SHROOM4: variants seen among roughly 807,000 people sequenced by gnomAD.
SHROOM4 encodes protein Shroom4.
SHROOM4 carries 17 observed loss-of-function variants against 80.3 expected under a neutral mutation model. The observed-to-expected ratio is 0.21, with a 90% CI of 0.14 to 0.32. SHROOM4 has a LOEUF of 0.32. Among genes scored for constraint, SHROOM4 ranks in the 10% least tolerant of loss-of-function variants. The probability of loss-of-function intolerance (pLI) is 1.00; values close to 1 mark genes in which losing one functional copy is unlikely to be tolerated. For synonymous variants in SHROOM4, 400 were observed against 437.5 expected, an observed-to-expected ratio of 0.91 and a Z score of 1.07; for missense variants, 993 against 1,140.3, an observed-to-expected ratio of 0.87 and a Z score of 1.86.
chrX:50,656,706 T>C (rs1406871302), intron 2 of SHROOM4, among the ~76,000 whole-genome samples: 6 of 110,675 alleles, frequency 5.4e-5, no homozygotes, highest in South Asian at 3.8e-4. Flanking sequence ...TTTTTTTTTT[T>C]CCTCAATATT....
chrX:50,810,181 T>C (rs1299426193), intron 1 of SHROOM4, among the ~76,000 whole-genome samples: 1 of 110,668 alleles, frequency 9.0e-6, no homozygotes, highest in Non-Finnish European at 1.9e-5. Flanking sequence ...GCCACTTGAC[T>C]GTCGGGGGGT....
chrX:50,685,059 G>T (rs1395412557), intron 2 of SHROOM4, among the ~76,000 whole-genome samples: 1 of 111,905 alleles, frequency 8.9e-6, no homozygotes, highest in Non-Finnish European at 1.9e-5. Context: ...TAAATACAGA[G>T]ATGTACTTTA....
chrX:50,607,698 C>T lies in SHROOM4; in HGVS notation c.3444G>A (p.Glu1148=), dbSNP rs782446924. The change falls in exon 6 of 9, where the codon GAG becomes GAA. Residue 1148 remains glutamate, a synonymous_variant. Coordinates refer to ENST00000376020, the MANE Select transcript of SHROOM4 (RefSeq NM_020717.5). The part of the protein sequence containing the change: ...EEEEEEEEEE[E]EEEAEEEEEE... ...CTTCCTCCTCCTCTGCCTCCTCCTC[C>T]TCCTCTTCCTCTTCCTCTTCTTCTT... 9.6e-5 allele frequency: 114 copies of T among 1,187,033 alleles called. No homozygotes were observed. In the Admixed American group the frequency reaches 2.5e-3, roughly 26 times the overall value.
chrX:50,729,957 C>A (rs1466516982), intron 1 of SHROOM4, among the ~76,000 whole-genome samples: 8 of 111,836 alleles, frequency 7.2e-5, no homozygotes, highest in Non-Finnish European at 1.5e-4. Flanking sequence ...TGAAAGAATT[C>A]ATTGCTAATA....
chrX:50,617,258 T>C (rs189801310), intron 5 of SHROOM4, among the ~76,000 whole-genome samples: 1 of 112,271 alleles, frequency 8.9e-6, no homozygotes, highest in East Asian at 2.8e-4. Context: ...ATGAACTATG[T>C]AAAAAGGACC....
chrX:50,810,184 CG>C (rs1231422695), intron 1 of SHROOM4, among the ~76,000 whole-genome samples: 1 of 110,467 alleles, frequency 9.1e-6, no homozygotes, highest in African/African-American at 3.3e-5. Flanking sequence ...ACTTGACTGT[CG>C]GGGGGTACTA....
At chrX:50,767,127 C>A (rs1935292380) in intron 1 of SHROOM4, among the ~76,000 whole-genome samples, 1 of 112,129 alleles carries the variant, frequency 8.9e-6, no homozygotes, top group Non-Finnish European at 1.9e-5. Context: ...AGCTATAAAA[C>A]AGCTCATACC....
At chrX:50,672,438 C>T (rs1383312325) in intron 2 of SHROOM4, among the ~76,000 whole-genome samples, 1 of 111,155 alleles carries the variant, frequency 9.0e-6, no homozygotes, top group East Asian at 2.8e-4. Context: ...ATGGAGAAGA[C>T]AAAAGAATCA....
intron 2 of SHROOM4, among the ~76,000 whole-genome samples, chrX:50,640,462 A>C (rs782165632): frequency 1.5e-4 from 16 of 108,003 alleles, no homozygotes; most frequent in African/African-American, 5.4e-4. Flanking sequence ...TTCTCCCAGA[A>C]CCCACCACCA....
intron 1 of SHROOM4, among the ~76,000 whole-genome samples, chrX:50,799,858 G>A (rs1323605634): frequency 1.8e-5 from 2 of 111,622 alleles, no homozygotes; most frequent in Non-Finnish European, 3.8e-5. Flanking sequence ...ACAGCAACGC[G>A]TCCCAACACC....
chrX:50,718,381 C>T (rs1225507463), intron 1 of SHROOM4, among the ~76,000 whole-genome samples: 2 of 111,451 alleles, frequency 1.8e-5, no homozygotes, highest in East Asian at 2.8e-4. Flanking sequence ...AGATGCAGGT[C>T]AGTGCATGGA....
intron 1 of SHROOM4, among the ~76,000 whole-genome samples, chrX:50,787,273 A>G (rs1387675815): frequency 9.1e-6 from 1 of 110,474 alleles, no homozygotes; most frequent in Non-Finnish European, 1.9e-5. Flanking sequence ...TAATAACTGA[A>G]CCAAAAAATT....
Position 50,618,230 on chromosome X carries a change from T to G in SHROOM4, c.2957+9384A>C, listed in dbSNP as rs963918534. 3.6e-5 allele frequency among the ~76,000 whole-genome samples: 4 copies of G among 110,109 alleles called. No homozygotes were observed. The East Asian group carries it at 1.2e-3, about 32-fold the overall frequency. ...TGGAGTGGAGGGCAAGGAGCTTCAT[T>G]AAGGAAAAGGAACTACTCTGGTTTC... On this transcript the variant is annotated intron_variant, in intron 5 of 8. Coordinates refer to ENST00000376020, the MANE Select transcript of SHROOM4 (RefSeq NM_020717.5).
chrX:50,662,227 G>C (rs113458789), intron 2 of SHROOM4, among the ~76,000 whole-genome samples: 2,949 of 111,949 alleles, frequency 0.026, 92 homozygotes, highest in African/African-American at 0.092. Flanking sequence ...TGCGTCAGGC[G>C]TGGTGGCTCA....
chrX:50,783,289 C>T (rs1935667299), intron 1 of SHROOM4, among the ~76,000 whole-genome samples: 1 of 111,792 alleles, frequency 8.9e-6, no homozygotes, highest in South Asian at 3.7e-4. Flanking sequence ...AGTCAACCAT[C>T]AGAAGGTGAA....
intron 1 of SHROOM4, among the ~76,000 whole-genome samples, chrX:50,735,375 G>A (rs1479318912): frequency 1.8e-5 from 2 of 111,824 alleles, no homozygotes; most frequent in Non-Finnish European, 1.9e-5. Flanking sequence ...ACTACTAGAA[G>A]AAAAAGCAGG....
chrX:50,683,049 T>A (rs1372217285), intron 2 of SHROOM4, among the ~76,000 whole-genome samples: 3 of 111,478 alleles, frequency 2.7e-5, no homozygotes, highest in Non-Finnish European at 5.6e-5. Context: ...CCCTCGAACA[T>A]CAGACTCCAA....
At chrX:50,726,161 A>G (rs1348486199) in intron 1 of SHROOM4, among the ~76,000 whole-genome samples, 1 of 112,071 alleles carries the variant, frequency 8.9e-6, no homozygotes, top group Non-Finnish European at 1.9e-5. Flanking sequence ...ATGATTTAGT[A>G]TATCTGGCAG....
chrX:50,686,135 T>G (rs1212098699), intron 2 of SHROOM4, among the ~76,000 whole-genome samples: 1 of 110,697 alleles, frequency 9.0e-6, no homozygotes, highest in Non-Finnish European at 1.9e-5. Context: ...GTTCACGCCA[T>G]TCTCCTGCGT....
Sources: gnomAD v4.1 joint callset for allele counts (sites outside exome capture counted in the v4.1 genomes callset) on GRCh38, gnomAD v4.1.1 for gene constraint, MANE v1.5 for transcripts, NCBI Gene and HGNC (gene_info 2026-07-23, HGNC 2026-07-21) for gene names.